The following HAO2 variants were observed in gnomAD, a reference collection of about 807,000 sequenced individuals.
HAO2 encodes hydroxyacid oxidase 2, also known as 2-Hydroxyacid oxidase 2.
A neutral mutation model predicts 37.4 loss-of-function variants in HAO2; 42 were observed. The ratio of observed to expected loss-of-function variants is 1.12; its 90% CI spans 0.88 to 1.45. The LOEUF is 1.45. Among genes scored for constraint, HAO2 ranks in the 40% most tolerant of loss-of-function variants. HAO2 has a pLI of 0.00. For missense variants in HAO2, 476 were observed against 430.2 expected (o/e 1.11, Z -0.94); for synonymous variants, 180 against 162.8 (o/e 1.11, Z -0.81).
At chr1:119,376,296 C>T (rs1456003870) in intron 1 of HAO2, among the ~76,000 whole-genome samples, 1 of 152,158 alleles carries the variant, frequency 6.6e-6, no homozygotes, top group Non-Finnish European at 1.5e-5. Context: ...CTTAAAGCTC[C>T]AAAATGATCT....
At chr1:119,378,140 T>A (rs1189870331) in intron 1 of HAO2, among the ~76,000 whole-genome samples, 1 of 152,196 alleles carries the variant, frequency 6.6e-6, no homozygotes, top group Admixed American at 6.5e-5. Flanking sequence ...GTTCTTTACG[T>A]TAAATTGAAA....
intron 4 of HAO2, 190 bp downstream of exon 4, chr1:119,385,243 A>C: frequency 2.0e-6 from 2 of 985,048 alleles, no homozygotes; most frequent in South Asian, 9.4e-5. Flanking sequence ...GACAAGCACA[A>C]TCAACATAAG....
At chr1:119,393,706 C>T (rs1219218477) in intron 7 of HAO2, 79 bp from the exon 8 acceptor site, 1 of 1,162,566 alleles carries the variant, frequency 8.6e-7, no homozygotes, top group Non-Finnish European at 1.3e-6. Flanking sequence ...ACTTGCTCCC[C>T]TTCATCACCC....
At chr1:119,374,508 C>T (rs1649285523) in intron 1 of HAO2, among the ~76,000 whole-genome samples, 1 of 152,190 alleles carries the variant, frequency 6.6e-6, no homozygotes, top group African/African-American at 2.4e-5. Context: ...ATCTGACATT[C>T]CATTGGGAAA....
intron 1 of HAO2, chr1:119,380,525 A>G: frequency 1.7e-6 from 1 of 599,550 alleles, no homozygotes; most frequent in South Asian, 2.2e-5. Context: ...TCAAACATTG[A>G]GATTCCTGGG....
Position 119,384,901 on chromosome 1 carries a change from C to T in HAO2, c.409C>T (p.Leu137=). 6.2e-7 allele frequency: 1 copy of T among 1,613,996 alleles called. No individual in the cohort carries two copies. The highest frequency in any genetic ancestry group is 8.5e-7 in the Non-Finnish European group (1 of 1,179,876). ...FQLYVHPDLQ[L]NKQLIQRVES... Reference sequence around the variant, plus strand: ...ACTCTATGTGCATCCAGACCTGCAGCTGAACAAACAGTTGATCCAGAGGGT... The same window carrying T: ...ACTCTATGTGCATCCAGACCTGCAGTTGAACAAACAGTTGATCCAGAGGGT... The change falls in exon 4 of 8, where the codon CTG becomes TTG. Residue 137 remains leucine (L), a synonymous_variant. Coordinates refer to ENST00000325945, the MANE Select transcript of HAO2 (RefSeq NM_016527.4).
chr1:119,381,166 T>C lies in HAO2; in HGVS notation c.81T>C (p.Gly27=). The stretch of plus-strand genomic sequence containing the variant: ...AGTCAACTCGGGATTTTATTGAAGG[T>C]GGAGCAGATGACAGCATCACGCGGG... ...LSKSTRDFIE[G]GADDSITRDD... Residue 27 remains glycine, a synonymous_variant, in exon 2 of 8, where the codon GGT becomes GGC. Transcript: ENST00000325945. 1 of 1,610,312 alleles carries C rather than the reference T, an allele frequency of 6.2e-7. No individual in the cohort carries two copies. Among genetic ancestry groups the C allele is most frequent in the Non-Finnish European group, 8.5e-7 (1 of 1,176,492 alleles).
chr1:119,385,118 C>A, intron 4 of HAO2, 65 bp downstream of exon 4: 1 of 1,554,600 alleles, frequency 6.4e-7, no homozygotes, highest in Middle Eastern at 1.7e-4. Context: ...CCTCTTTTCT[C>A]CTTTCCTCCA....
chr1:119,380,079 G>A (rs941772452), intron 1 of HAO2, among the ~76,000 whole-genome samples: 1 of 152,138 alleles, frequency 6.6e-6, no homozygotes, highest in African/African-American at 2.4e-5. Context: ...GCTGCCAACT[G>A]CCTGGGAGTT....
At chr1:119,372,999 G>A (rs1189909499) in intron 1 of HAO2, among the ~76,000 whole-genome samples, 1 of 152,226 alleles carries the variant, frequency 6.6e-6, no homozygotes, top group African/African-American at 2.4e-5. Flanking sequence ...CATGGATTAA[G>A]CTGAAATACA....
At chr1:119,383,731 G>T (rs139438765) in intron 3 of HAO2, among the ~76,000 whole-genome samples, 3 of 151,864 alleles carry the variant, frequency 2.0e-5, no homozygotes, top group African/African-American at 7.3e-5. Context: ...GGACTCTTTC[G>T]TAATCTTCAC....
At chr1:119,375,017 G>A (rs1254153727) in intron 1 of HAO2, among the ~76,000 whole-genome samples, 1 of 152,184 alleles carries the variant, frequency 6.6e-6, no homozygotes, top group Non-Finnish European at 1.5e-5. Context: ...AAAGCCTAAA[G>A]AGGTTCAAGG....
intron 1 of HAO2, chr1:119,370,283 C>T (rs587627068): frequency 6.6e-6 from 1 of 152,310 alleles, no homozygotes; most frequent in African/African-American, 2.4e-5. Flanking sequence ...CAGTATATGC[C>T]TCCGCCACCC....
chr1:119,384,436 T>C (rs1650213913), intron 3 of HAO2, among the ~76,000 whole-genome samples: 1 of 152,170 alleles, frequency 6.6e-6, no homozygotes, highest in Admixed American at 6.5e-5. Flanking sequence ...AATTCTCTTC[T>C]GCTTCATTAA....
intron 1 of HAO2, among the ~76,000 whole-genome samples, chr1:119,372,082 A>G (rs1649079235): frequency 6.6e-6 from 1 of 152,212 alleles, no homozygotes; most frequent in Admixed American, 6.5e-5. Context: ...CTATTAAAAT[A>G]GCGGTTGGAT....
intron 5 of HAO2, 55 bp downstream of exon 5, chr1:119,386,886 G>GGACACACTCACACA: frequency 9.3e-7 from 1 of 1,074,546 alleles, no homozygotes; most frequent in Non-Finnish European, 1.5e-6. Context: ...GTGTGTATGT[G>GGACACACTCACACA]TGAGTGTGTC....
At chr1:119,388,406 A>G (rs921736388) in intron 5 of HAO2, among the ~76,000 whole-genome samples, 2 of 152,228 alleles carry the variant, frequency 1.3e-5, no homozygotes, top group African/African-American at 4.8e-5. Context: ...ATGAGTAGAC[A>G]AAGAGGAAGA....
intron 1 of HAO2, among the ~76,000 whole-genome samples, chr1:119,375,670 A>C (rs1030073652): frequency 5.3e-5 from 8 of 152,182 alleles, no homozygotes; most frequent in African/African-American, 1.9e-4. Flanking sequence ...GTAACTTATA[A>C]AGAAAAAAAG....
Position 119,387,029 on chromosome 1 carries a change from C to T in HAO2, c.771+198C>T, listed in dbSNP as rs372774965. Among the ~76,000 whole-genome samples, 26 of 152,174 alleles carry T rather than the reference C, an allele frequency of 1.7e-4. No homozygotes were observed. The East Asian group carries it at 2.9e-3, about 17-fold the overall frequency. On this transcript the variant is annotated intron_variant, in intron 5 of 7. Coordinates refer to ENST00000325945, the MANE Select transcript of HAO2 (RefSeq NM_016527.4). ...CTGTGTGCTAAGCTGTTTTTTCAACCTTTACATATAGCATCTCTAAGTCTC... is the reference window on the plus strand; with the variant it reads ...CTGTGTGCTAAGCTGTTTTTTCAACTTTTACATATAGCATCTCTAAGTCTC...
Sources: allele counts gnomAD v4.1 joint callset (sites outside exome capture counted in the v4.1 genomes callset), GRCh38; gene constraint gnomAD v4.1.1; transcripts MANE v1.5; gene names NCBI Gene and HGNC (gene_info 2026-07-23, HGNC 2026-07-21).